The following EXOC4 variants were observed in gnomAD, a reference collection of about 807,000 sequenced individuals.
The protein encoded by EXOC4 is exocyst complex component 4, also known as SEC8-like 1.
EXOC4 carries 71 observed loss-of-function variants against 107.2 expected under a neutral mutation model. The ratio of observed to expected loss-of-function variants is 0.66; its 90% CI spans 0.55 to 0.81. EXOC4 has a LOEUF of 0.81. Among genes scored for constraint, EXOC4 ranks in the 30% least tolerant of loss-of-function variants. EXOC4 has a pLI of 0.00. For missense variants in EXOC4, 1,108 were observed against 1,189.6 expected (o/e 0.93, Z 1.01); for synonymous variants, 456 against 441.2 (o/e 1.03, Z -0.42).
intron 9 of EXOC4, among the ~76,000 whole-genome samples, chr7:133,591,626 A>G (rs566481477): frequency 6.7e-6 from 1 of 148,944 alleles, no homozygotes; most frequent in Non-Finnish European, 1.5e-5. Flanking sequence ...CTTTTCTTTC[A>G]TTTTGCACTC....
intron 17 of EXOC4, among the ~76,000 whole-genome samples, chr7:134,038,056 CCCCTATA>C (rs1795431844): frequency 6.6e-6 from 1 of 152,076 alleles, no homozygotes; most frequent in Admixed American, 6.5e-5. Flanking sequence ...CAATCTAGGC[CCCCTATA>C]CCTACTATGG....
intron 7 of EXOC4, among the ~76,000 whole-genome samples, chr7:133,408,603 G>A (rs1343649882): frequency 6.6e-6 from 1 of 152,014 alleles, no homozygotes; most frequent in Non-Finnish European, 1.5e-5. Context: ...GGTGGCAGCT[G>A]CCACTTACTT....
At chr7:133,640,319 C>G (rs1802823808) in intron 10 of EXOC4, among the ~76,000 whole-genome samples, 1 of 152,114 alleles carries the variant, frequency 6.6e-6, no homozygotes, top group African/African-American at 2.4e-5. Context: ...TGGTGCCTGA[C>G]ATTTGTGTGA....
intron 5 of EXOC4, among the ~76,000 whole-genome samples, chr7:133,342,940 T>G (rs1361053235): frequency 6.6e-6 from 1 of 152,196 alleles, no homozygotes; most frequent in African/African-American, 2.4e-5. Flanking sequence ...TGTATTAATT[T>G]TTAAATTTAA....
chr7:133,328,458 G>T (rs1795301482), intron 5 of EXOC4, among the ~76,000 whole-genome samples: 1 of 152,138 alleles, frequency 6.6e-6, no homozygotes, highest in African/African-American at 2.4e-5. Context: ...GTGTGAATTT[G>T]ATCCTGTCAT....
chr7:133,360,031 T>C (rs1052180214), intron 6 of EXOC4, among the ~76,000 whole-genome samples: 6 of 152,202 alleles, frequency 3.9e-5, no homozygotes, highest in Non-Finnish European at 8.8e-5. Flanking sequence ...TAGGGTAACA[T>C]GTGCCTTGCT....
chr7:133,634,128 T>C (rs963498986), intron 10 of EXOC4, among the ~76,000 whole-genome samples: 1 of 152,160 alleles, frequency 6.6e-6, no homozygotes, highest in African/African-American at 2.4e-5. Flanking sequence ...GTTTTTACTC[T>C]CCTTTCATAA....
chr7:133,284,448 A>C (rs1376956743), intron 2 of EXOC4, among the ~76,000 whole-genome samples: 10 of 152,238 alleles, frequency 6.6e-5, no homozygotes, highest in Non-Finnish European at 1.2e-4. Flanking sequence ...AAATGGAATG[A>C]TTTAATAGCT....
intron 12 of EXOC4, among the ~76,000 whole-genome samples, chr7:133,901,566 A>T (rs1799451907): frequency 6.6e-6 from 1 of 152,230 alleles, no homozygotes; most frequent in Non-Finnish European, 1.5e-5. Context: ...ATCTGCAAAA[A>T]GGTAATAATA....
intron 9 of EXOC4, among the ~76,000 whole-genome samples, chr7:133,528,387 C>CT (rs921182612): frequency 6.6e-6 from 1 of 152,092 alleles, no homozygotes; most frequent in Admixed American, 6.6e-5. Context: ...TACAAATAAA[C>CT]TTAAGTGCGA....
chr7:133,505,431 A>AT, intron 9 of EXOC4, among the ~76,000 whole-genome samples: 1 of 151,900 alleles, frequency 6.6e-6, no homozygotes, highest in Non-Finnish European at 1.5e-5. Context: ...GAATTGTATG[A>AT]TTTTTGCAGC....
chr7:133,498,697 T>A (rs1461764443), intron 9 of EXOC4, among the ~76,000 whole-genome samples: 1 of 152,212 alleles, frequency 6.6e-6, no homozygotes, highest in Non-Finnish European at 1.5e-5. Flanking sequence ...TCCAAACCAT[T>A]CTTTATACCA....
At chr7:134,000,783 G>A (rs1794514322) in intron 15 of EXOC4, among the ~76,000 whole-genome samples, 1 of 152,046 alleles carries the variant, frequency 6.6e-6, no homozygotes, top group Admixed American at 6.6e-5. Flanking sequence ...CCTGTCTCTG[G>A]CACTTTTAGC....
In EXOC4 at chr7:133,817,500, G is replaced by A. The variant is rs746426929; in HGVS notation, c.1690G>A (p.Ala564Thr). The change falls in exon 11 of 18, where the codon GCA (alanine) becomes ACA (threonine). Residue 564 changes from alanine to threonine, a missense_variant. Ala to Thr is a moderately conservative substitution (Grantham distance 58). Coordinates refer to ENST00000253861, the MANE Select transcript of EXOC4 (RefSeq NM_021807.4). Reference protein sequence around the residue: ...TSDPLKILANADTMKVLGVQR... With the variant: ...TSDPLKILANTDTMKVLGVQR... ...TGACCCTTTGAAGATTCTGGCCAACGCAGACACCATGAAGGTGCTGGGAGT... is the reference window on the plus strand; with the variant it reads ...TGACCCTTTGAAGATTCTGGCCAACACAGACACCATGAAGGTGCTGGGAGT... 22 of 1,614,000 alleles carry A rather than the reference G, an allele frequency of 1.4e-5. No individual in the cohort carries two copies. The highest frequency in any genetic ancestry group is 6.7e-5 in the African/African-American group (5 of 74,918).
intron 17 of EXOC4, among the ~76,000 whole-genome samples, chr7:134,026,353 G>A (rs370440689): frequency 3.6e-4 from 54 of 151,714 alleles, no homozygotes; most frequent in African/African-American, 1.3e-3. Context: ...GACTCTTGAT[G>A]GGCTCTGTCT....
At chr7:133,859,521 C>G (rs552981765) in intron 11 of EXOC4, among the ~76,000 whole-genome samples, 3 of 152,140 alleles carry the variant, frequency 2.0e-5, no homozygotes, top group South Asian at 2.1e-4. Flanking sequence ...TTCCTACTTG[C>G]AGCTGGTGTT....
intron 7 of EXOC4, among the ~76,000 whole-genome samples, chr7:133,446,294 T>C (rs1798217917): frequency 6.6e-6 from 1 of 152,188 alleles, no homozygotes; most frequent in Admixed American, 6.5e-5. Flanking sequence ...TTTTCTTATT[T>C]ACGAGGGAGA....
At chr7:133,879,068 GA>G (rs2116435943) in intron 11 of EXOC4, among the ~76,000 whole-genome samples, 1 of 152,076 alleles carries the variant, frequency 6.6e-6, no homozygotes, top group East Asian at 1.9e-4. Context: ...ACCTTTACTT[GA>G]ATCAGTTGTT....
chr7:133,346,479 A>G (rs1163412207), intron 5 of EXOC4, among the ~76,000 whole-genome samples: 1 of 152,064 alleles, frequency 6.6e-6, no homozygotes, highest in Non-Finnish European at 1.5e-5. Context: ...TTATATTTTG[A>G]GCATATTGGA....
Sources: gnomAD v4.1 joint callset for allele counts (sites outside exome capture counted in the v4.1 genomes callset) on GRCh38, gnomAD v4.1.1 for gene constraint, MANE v1.5 for transcripts, NCBI Gene and HGNC (gene_info 2026-07-23, HGNC 2026-07-21) for gene names.